BRAP: variants seen among roughly 807,000 people sequenced by gnomAD.
BRAP encodes the protein BRCA1 associated protein.
In BRAP, 42 loss-of-function variants were observed where a neutral mutation model predicts 73.4. That is an observed-to-expected ratio of 0.57 (90% CI 0.45 to 0.74). The LOEUF (loss-of-function observed/expected upper bound fraction) is 0.74. Ranked by LOEUF, BRAP falls within the 30% of genes least tolerant of loss-of-function variation. The pLI is 0.00. For synonymous variants in BRAP, 255 were observed against 267.4 expected (o/e 0.95, Z 0.45); for missense variants, 593 against 751.4 (o/e 0.79, Z 2.46).
intron 7 of BRAP, among the ~76,000 whole-genome samples, chr12:111,659,721 A>AAGAC (rs1164489673): frequency 2.6e-5 from 4 of 152,106 alleles, no homozygotes; most frequent in Non-Finnish European, 5.9e-5. Flanking sequence ...GAGACACTAG[A>AAGAC]AGACAGAATT....
At chr12:111,675,497 T>C (rs954646224) in intron 4 of BRAP, among the ~76,000 whole-genome samples, 4 of 148,844 alleles carry the variant, frequency 2.7e-5, no homozygotes, top group Admixed American at 6.9e-5. Flanking sequence ...GCATCTAGTA[T>C]GTGCCAGGCC....
chr12:111,666,844 G>A lies in BRAP; in HGVS notation c.748-1057C>T, dbSNP rs573551380. On this transcript the variant is annotated intron_variant, in intron 5 of 11. Coordinates refer to ENST00000419234, the MANE Select transcript of BRAP (RefSeq NM_006768.5). Reference sequence around the variant, plus strand: ...TACAGGAAATCTCTCAAGAAGCCACGTTCATTTAAGAAAGGAATCTCTAAA... The same window carrying A: ...TACAGGAAATCTCTCAAGAAGCCACATTCATTTAAGAAAGGAATCTCTAAA... Among the ~76,000 whole-genome samples the A allele has an allele frequency of 4.8e-4, 73 of 152,268 alleles. 1 individual carries two copies. Among genetic ancestry groups the A allele is most frequent in the Middle Eastern group, 6.8e-3 (2 of 294 alleles).
chr12:111,682,206 A>G (rs1435012661), intron 2 of BRAP, among the ~76,000 whole-genome samples: 1 of 152,194 alleles, frequency 6.6e-6, no homozygotes, highest in Admixed American at 6.5e-5. Flanking sequence ...AGTACTATCT[A>G]CACATCCACT....
rs1289104642 is a variant in BRAP at position 111,659,177 on chromosome 12, G to A, written c.1111+30C>T. ...AAGGCAAAGTTTCCACACAGAATGAGTCCAAATTAGAAAAGAGAGTGGTAT... is the reference window on the plus strand; with the variant it reads ...AAGGCAAAGTTTCCACACAGAATGAATCCAAATTAGAAAAGAGAGTGGTAT... On this transcript the variant is annotated intron_variant, in intron 8 of 11. Coordinates refer to ENST00000419234, the MANE Select transcript of BRAP (RefSeq NM_006768.5). 5 of 1,606,186 alleles carry A rather than the reference G, an allele frequency of 3.1e-6. No individual in the cohort carries two copies. The African/African-American group carries it at 4.0e-5, about 13-fold the overall frequency.
rs1273146549 is a variant in BRAP at position 111,643,579 on chromosome 12, G to C, written c.*620C>G. The C allele has an allele frequency of 1.3e-5, 2 of 152,054 alleles. No individual in the cohort carries two copies. The highest frequency in any genetic ancestry group is 2.9e-5 in the Non-Finnish European group (2 of 68,032). The allele number at this position is 152,054 out of a possible 1,614,324, so 9.4% of individuals were successfully genotyped here. On this transcript the variant is annotated 3_prime_UTR_variant, in exon 12 of 12. Transcript: ENST00000419234. ...TGCCCCGGGTTGTTTGTTTTTCCTG[G>C]CTGGCCCCAGAGCAAGAAGAGATGA... is the stretch of plus-strand genomic sequence containing the variant.
chr12:111,682,220 G>C (rs1032712246), intron 2 of BRAP, among the ~76,000 whole-genome samples: 8 of 152,112 alleles, frequency 5.3e-5, no homozygotes, highest in Non-Finnish European at 1.0e-4. Context: ...ATCCACTTCC[G>C]CAGATAAAAT....
rs754830576 is a variant in BRAP, at chr12:111,685,703, G to T, written c.82+8C>A. ...CTACAGGGAATGCGGCGAGGCCGCG[G>T]GACTCACCCGCGGCGCTGAAGCCGA... is the stretch of plus-strand genomic sequence containing the variant. On this transcript the variant is annotated splice_region_variant and intron_variant, in intron 1 of 11. Coordinates refer to ENST00000419234, the MANE Select transcript of BRAP (RefSeq NM_006768.5). 5 of 1,602,174 alleles carry T rather than the reference G, an allele frequency of 3.1e-6. No individual in the cohort carries two copies. The South Asian group carries it at 5.6e-5, about 18-fold the overall frequency.
At chr12:111,663,252 G>A (rs1480433690) in intron 6 of BRAP, among the ~76,000 whole-genome samples, 9 of 151,940 alleles carry the variant, frequency 5.9e-5, no homozygotes, top group East Asian at 1.9e-4. Flanking sequence ...TCAGCAGTTC[G>A]AGACCAGCTG....
At chr12:111,646,513 G>A (rs545554231) in intron 11 of BRAP, among the ~76,000 whole-genome samples, 46 of 152,060 alleles carry the variant, frequency 3.0e-4, no homozygotes, top group Non-Finnish European at 4.9e-4. Flanking sequence ...GGTGGCTCAC[G>A]CCTGTTATCC....
At chr12:111,685,411 C>A (rs1044835849) in intron 1 of BRAP, among the ~76,000 whole-genome samples, 1 of 152,150 alleles carries the variant, frequency 6.6e-6, no homozygotes, top group Non-Finnish European at 1.5e-5. Context: ...TTACGAAGCC[C>A]ATAGGGAAGC....
chr12:111,672,817 A>C, intron 4 of BRAP, 43 bp from the exon 5 acceptor site: 2 of 1,500,376 alleles, frequency 1.3e-6, no homozygotes, highest in Non-Finnish European at 1.8e-6. Flanking sequence ...TAAGACAGAT[A>C]CCCTGAAAAT....
intron 11 of BRAP, among the ~76,000 whole-genome samples, chr12:111,646,452 T>C (rs111970161): frequency 7.2e-5 from 11 of 152,284 alleles, no homozygotes; most frequent in African/African-American, 2.6e-4. Context: ...ATAAACTCTT[T>C]CGAAGACAAC....
intron 7 of BRAP, 133 bp downstream of exon 7, chr12:111,660,467 C>G: frequency 2.8e-6 from 2 of 709,734 alleles, no homozygotes; most frequent in Non-Finnish European, 3.9e-6. Flanking sequence ...CTGGGCAACA[C>G]AGTAAGCCCT....
chr12:111,685,333 G>A (rs1269284152), intron 1 of BRAP, among the ~76,000 whole-genome samples: 2 of 152,326 alleles, frequency 1.3e-5, no homozygotes, highest in Middle Eastern at 3.4e-3. Context: ...AATGGATATC[G>A]TTCCAAAAGG....
chr12:111,685,730 G>C lies in BRAP; in HGVS notation c.63C>G (p.Gly21=). ...ACTCACCCGCGGCGCTGAAGCCGAA[G>C]CCGGCGGGGACAGGCGAGTGTTCCG... The part of the protein sequence containing the change: ...ELAEHSPVPA[G]FGFSAAAGEM... Residue 21 remains glycine (G), a synonymous_variant, in exon 1 of 12, where the codon GGC becomes GGG. Transcript: ENST00000419234. 6.2e-7 allele frequency: 1 copy of C among 1,609,006 alleles called. No individual in the cohort carries two copies. Among genetic ancestry groups the C allele is most frequent in the Non-Finnish European group, 8.5e-7 (1 of 1,178,646 alleles).
chr12:111,672,556 G>A (rs931745661), intron 5 of BRAP, 105 bp downstream of exon 5: 1 of 922,676 alleles, frequency 1.1e-6, no homozygotes, highest in South Asian at 1.7e-5. Flanking sequence ...TCTACTTTCT[G>A]TGTCTATGGA....
chr12:111,656,301 A>G (rs1886532154), intron 9 of BRAP, among the ~76,000 whole-genome samples: 1 of 152,232 alleles, frequency 6.6e-6, no homozygotes, highest in Admixed American at 6.5e-5. Flanking sequence ...GCGAGATTTG[A>G]GAGGGTGCTG....
rs567521003 is a variant in BRAP at position 111,683,235 on chromosome 12, G to T, written c.155C>A (p.Ser52Ter). The T allele has an allele frequency of 6.2e-7, 1 of 1,614,112 alleles. No individual in the cohort carries two copies. Among genetic ancestry groups the T allele is most frequent in the East Asian group, 2.2e-5 (1 of 44,888 alleles). Reference sequence around the variant, plus strand: ...GATAATCGCTACTTTCTCTCCTGGTGACTTGCCTTCTAAACAGGCTACAGC... The same window carrying T: ...GATAATCGCTACTTTCTCTCCTGGTTACTTGCCTTCTAAACAGGCTACAGC... ...ASAVACLEGK[S>*]PGEKVAIIHQ... The change falls in exon 2 of 12, where the codon TCA becomes TAA. Residue 52 changes from serine (S) to a stop codon, truncating the protein, a stop_gained. Coordinates refer to ENST00000419234, the MANE Select transcript of BRAP (RefSeq NM_006768.5). LOFTEE classifies it high-confidence loss of function.
intron 8 of BRAP, 85 bp from the exon 9 acceptor site, chr12:111,658,930 A>C (rs1376209318): frequency 7.5e-6 from 8 of 1,064,324 alleles, no homozygotes; most frequent in Non-Finnish European, 9.5e-6. Flanking sequence ...TTTTTTTTTC[A>C]GATCTAATTT....
Sources: allele counts gnomAD v4.1 joint callset (sites outside exome capture counted in the v4.1 genomes callset), GRCh38; gene constraint gnomAD v4.1.1; transcripts MANE v1.5; gene names NCBI Gene and HGNC (gene_info 2026-07-23, HGNC 2026-07-21).